SLC28A3: variants seen among roughly 807,000 people sequenced by gnomAD.
SLC28A3 encodes the protein concentrative Na(+)-nucleoside cotransporter 3.
SLC28A3 carries 68 observed loss-of-function variants against 84.2 expected under a neutral mutation model. The ratio of observed to expected loss-of-function variants is 0.81; its 90% CI spans 0.66 to 0.99. The LOEUF is 0.99. Ranked by LOEUF, SLC28A3 falls within the 50% of genes least tolerant of loss-of-function variation. The pLI is 0.00. For missense variants in SLC28A3, 712 were observed against 841.5 expected, an observed-to-expected ratio of 0.85 and a Z score of 1.90; for synonymous variants, 267 against 303.6, an observed-to-expected ratio of 0.88 and a Z score of 1.25.
At chr9:84,322,006 T>C (rs1006176489) in intron 1 of SLC28A3, among the ~76,000 whole-genome samples, 21 of 152,092 alleles carry the variant, frequency 1.4e-4, no homozygotes, top group African/African-American at 5.1e-4. Flanking sequence ...CTTGAGATCA[T>C]GCCATTGCAC....
chr9:84,365,507 T>C, the SLC28A3 span, among the ~76,000 whole-genome samples: 1 of 152,190 alleles, frequency 6.6e-6, no homozygotes, highest in Non-Finnish European at 1.5e-5. Flanking sequence ...TAAGTTGATA[T>C]AACCCCATTT....
At chr9:84,349,951 T>C in the SLC28A3 span, among the ~76,000 whole-genome samples, 1 of 152,202 alleles carries the variant, frequency 6.6e-6, no homozygotes, top group African/African-American at 2.4e-5. Flanking sequence ...TTTTTCATCA[T>C]GCAAACATCA....
Position 84,279,844 on chromosome 9 carries a change from G to A in SLC28A3, c.1828+131C>T, listed in dbSNP as rs926572121. ...CTGCACACATTTAACTTTACAGTAT[G>A]CTTAAGAGCAGCTCTAACTCTCAGC... On this transcript the variant is annotated intron_variant, in intron 16 of 17. Transcript: ENST00000376238. The A allele has an allele frequency of 5.0e-6, 4 of 801,482 alleles. No homozygotes were observed. In the Admixed American group the frequency reaches 1.0e-4, roughly 20 times the overall value. The allele number at this position is 801,482 out of a possible 1,614,324, so 49.6% of individuals were successfully genotyped here.
At chr9:84,287,994 A>G in intron 12 of SLC28A3, 54 bp downstream of exon 12, 1 of 1,609,518 alleles carries the variant, frequency 6.2e-7, no homozygotes, top group Non-Finnish European at 8.5e-7. Flanking sequence ...TGACTCCTGG[A>G]GTCCCCCGCC....
At position 84,305,255 on chromosome 9, in the gene SLC28A3, T is replaced by G. The variant is rs1825752603; in HGVS notation, c.333A>C (p.Ala111=). The G allele has an allele frequency of 6.2e-7, 1 of 1,609,190 alleles. No homozygotes were observed. The change falls in exon 4 of 18, where the codon GCA becomes GCC. Residue 111 remains alanine, a splice_region_variant and synonymous_variant. Coordinates refer to ENST00000376238, the MANE Select transcript of SLC28A3 (RefSeq NM_001199633.2). ...TCCCTAACCATCTTTGTTATTTACCTGCTAATAAAATGCCCCAGATGATGT... is the reference window on the plus strand; with the variant it reads ...TCCCTAACCATCTTTGTTATTTACCGGCTAATAAAATGCCCCAGATGATGT... ...LRHIIWGILL[A]GYLVMVISAC... is the part of the protein sequence containing the mutation.
rs1177186866 is a variant in SLC28A3, at chr9:84,275,714, G to T, written c.*2504C>A. On this transcript the variant is annotated 3_prime_UTR_variant, in exon 18 of 18. Transcript: ENST00000376238. ...CAGGGTATTGGTGAGGTTTCTGGGG[G>T]TAACAAGCTCAAGAGGCTTAACCAG... 1 of 152,136 alleles carries T rather than the reference G, an allele frequency of 6.6e-6. No individual in the cohort carries two copies. The highest frequency in any genetic ancestry group is 2.4e-5 in the African/African-American group (1 of 41,412). The allele number at this position is 152,136 out of a possible 1,614,324, so 9.4% of individuals were successfully genotyped here.
At chr9:84,355,523 G>A in the SLC28A3 span, among the ~76,000 whole-genome samples, 1 of 152,174 alleles carries the variant, frequency 6.6e-6, no homozygotes, top group Non-Finnish European at 1.5e-5. Context: ...AACTTCTGAT[G>A]TGGGGTGATA....
chr9:84,285,222 T>A, intron 14 of SLC28A3, 123 bp downstream of exon 14: 1 of 880,526 alleles, frequency 1.1e-6, no homozygotes, highest in Non-Finnish European at 1.7e-6. Context: ...GGATTTTAGG[T>A]TGTTTTGCTC....
chr9:84,307,027 T>G (rs1588592711), intron 3 of SLC28A3, among the ~76,000 whole-genome samples: 1 of 133,948 alleles, frequency 7.5e-6, no homozygotes, highest in African/African-American at 2.8e-5. Flanking sequence ...AAAAGCTTCG[T>G]GTGATGGCAC....
chr9:84,342,084 G>A (rs1428257987), upstream of SLC28A3, among the ~76,000 whole-genome samples: 5 of 139,472 alleles, frequency 3.6e-5, no homozygotes, highest in East Asian at 2.1e-4. Context: ...AGCCGAAAAC[G>A]CACCGCTGCC....
rs1482554113 is a variant in SLC28A3 at position 84,288,137 on chromosome 9, T to C, written c.1191A>G (p.Ala397=). Residue 397 remains alanine, a synonymous_variant, in exon 12 of 18, where the codon GCA becomes GCG. Transcript: ENST00000376238. ...GTTTAGCAGCAGCCAATGACGCAGG[T>C]GCTGACATAACTGACGCTGTTAACA... is the stretch of plus-strand genomic sequence containing the variant. ...SHLLTASVMS[A]PASLAAAKLF... 1.9e-6 allele frequency: 3 copies of C among 1,614,136 alleles called. No homozygotes were observed. The highest frequency in any genetic ancestry group is 2.7e-5 in the African/African-American group (2 of 75,064).
intron 1 of SLC28A3, among the ~76,000 whole-genome samples, chr9:84,331,275 C>T (rs1826775267): frequency 6.6e-6 from 1 of 152,146 alleles, no homozygotes; most frequent in Non-Finnish European, 1.5e-5. Context: ...GAAGCTCCAG[C>T]CGAGCGCCTC....
Position 84,280,811 on chromosome 9 carries a change from G to A in SLC28A3, c.1719C>T (p.Ile573=), listed in dbSNP as rs777580587. ...GTTCTTTTCACTTACTGAGTCCGCC[G>A]ATCACGATTCCTAGGGACCCGATAT... The part of the protein sequence containing the change: ...FANIGSLGIV[I]GGLTSMAPSR... Residue 573 remains isoleucine (I), a synonymous_variant, in exon 15 of 18, where the codon ATC becomes ATT. Coordinates refer to ENST00000376238, the MANE Select transcript of SLC28A3 (RefSeq NM_001199633.2). The A allele has an allele frequency of 5.0e-6, 8 of 1,613,970 alleles. No individual in the cohort carries two copies. Among genetic ancestry groups the A allele is most frequent in the South Asian group, 1.1e-5 (1 of 91,056 alleles).
At position 84,297,984 on chromosome 9, in the gene SLC28A3, T is replaced by C. The variant is rs751724839; in HGVS notation, c.705A>G (p.Leu235=). 1.9e-5 allele frequency: 31 copies of C among 1,612,700 alleles called. No individual in the cohort carries two copies. The highest frequency in any genetic ancestry group is 1.6e-4 in the Middle Eastern group (1 of 6,074). ...YWRPVLWGIG[L]QFLLGLLILR... ...GAATCAAGAGCCCAAGAAGAAACTG[T>C]AGCCCGATTCCCCATAAGACAGGTC... is the stretch of plus-strand genomic sequence containing the variant. The change falls in exon 7 of 18, where the codon CTA becomes CTG. Residue 235 remains leucine, a synonymous_variant. Transcript: ENST00000376238.
chr9:84,346,557 AAAT>A, the SLC28A3 span, among the ~76,000 whole-genome samples: 1 of 152,232 alleles, frequency 6.6e-6, no homozygotes, highest in South Asian at 2.1e-4. Context: ...TAAATAAATC[AAAT>A]AATATTAATG....
intron 3 of SLC28A3, 106 bp downstream of exon 3, chr9:84,309,523 C>CAAAAAAAAAAAAAAAA (rs71366931): frequency 8.4e-6 from 2 of 239,284 alleles, no homozygotes; most frequent in African/African-American, 1.1e-4. Context: ...ACTCTTATCT[C>CAAAAAAAAAAAAAAAA]AAAAAAAAAA....
chr9:84,363,107 A>G, the SLC28A3 span, among the ~76,000 whole-genome samples: 1 of 152,166 alleles, frequency 6.6e-6, no homozygotes, highest in Non-Finnish European at 1.5e-5. Flanking sequence ...AAGATAGAAT[A>G]TTTTTTCCCA....
chr9:84,330,898 G>A (rs546410815), intron 1 of SLC28A3, among the ~76,000 whole-genome samples: 2 of 152,260 alleles, frequency 1.3e-5, no homozygotes, highest in East Asian at 1.9e-4. Context: ...TCTGGCTAGT[G>A]TTACATATTA....
At chr9:84,327,989 A>G (rs1271219070) in intron 1 of SLC28A3, among the ~76,000 whole-genome samples, 1 of 151,810 alleles carries the variant, frequency 6.6e-6, no homozygotes, top group Non-Finnish European at 1.5e-5. Context: ...GATCAGACTC[A>G]GAGTTCACCC....
Sources: allele counts gnomAD v4.1 joint callset (sites outside exome capture counted in the v4.1 genomes callset), GRCh38; gene constraint gnomAD v4.1.1; transcripts MANE v1.5; gene names NCBI Gene and HGNC (gene_info 2026-07-23, HGNC 2026-07-21).